CCNL2: variants seen among roughly 807,000 people sequenced by gnomAD.
CCNL2 encodes the protein cyclin L2, also known as cyclin-L2.
In CCNL2, 28 loss-of-function variants were observed where a neutral mutation model predicts 59.1. The observed-to-expected ratio is 0.47, with a 90% confidence interval of 0.35 to 0.65. CCNL2 has a LOEUF of 0.65. Ranked by LOEUF, CCNL2 falls within the 30% of genes least tolerant of loss-of-function variation. The pLI is 0.00. For synonymous variants in CCNL2, 342 were observed against 288.6 expected, an observed-to-expected ratio of 1.19 and a Z score of -1.88; for missense variants, 714 against 717.4, an observed-to-expected ratio of 1.00 and a Z score of 0.05.
intron 3 of CCNL2, among the ~76,000 whole-genome samples, chr1:1,397,835 G>A (rs1423826642): frequency 1.3e-5 from 2 of 152,148 alleles, no homozygotes; most frequent in Non-Finnish European, 2.9e-5. Flanking sequence ...ACCGCACTCT[G>A]CCCTGGACAA....
Position 1,398,609 on chromosome 1 carries a change from C to T in CCNL2, c.351G>A (p.Lys117=). The change falls in exon 2 of 11, where the codon AAG becomes AAA. Residue 117 remains lysine, a synonymous_variant. Coordinates refer to ENST00000400809, the MANE Select transcript of CCNL2 (RefSeq NM_030937.6). ...GAGGAAGCCTTACCTCCATGGAGTG[C>T]TTCACGAAGGACTTGGTATAAAAGA... The part of the protein sequence containing the change: ...QRFFYTKSFV[K]HSMEHVSMAC... 1 of 1,613,956 alleles carries T rather than the reference C, an allele frequency of 6.2e-7. No homozygotes were observed. The highest frequency in any genetic ancestry group is 8.5e-7 in the Non-Finnish European group (1 of 1,179,930).
intron 2 of CCNL2, 36 bp downstream of exon 2, chr1:1,398,561 A>G: frequency 6.2e-7 from 1 of 1,604,570 alleles, no homozygotes; most frequent in Non-Finnish European, 8.5e-7. Flanking sequence ...CCCTCAACAT[A>G]CTTCGCTGGG....
Position 1,390,246 on chromosome 1 carries a change from A to G in CCNL2, c.990T>C (p.Ser330=), listed in dbSNP as rs1273411297. ...CAGACTCACCCAGCTTGGGGGCAGG[A>G]GAGAACCCCGAGGTACCATCCAGCA... ...TQVLDGTSGF[S]PAPKLVESPK... is the part of the protein sequence containing the mutation. Residue 330 remains serine, a synonymous_variant, in exon 8 of 11, where the codon TCT becomes TCC. Transcript: ENST00000400809. The G allele has an allele frequency of 3.1e-5, 50 of 1,610,058 alleles. No homozygotes were observed. Among genetic ancestry groups the G allele is most frequent in the Non-Finnish European group, 4.2e-5 (49 of 1,176,820 alleles).
At chr1:1,391,411 C>A (rs1213635976) in intron 5 of CCNL2, 8 of 1,192,502 alleles carry the variant, frequency 6.7e-6, no homozygotes, top group East Asian at 1.3e-4. Context: ...CTCTGCTGAC[C>A]GAGCTGCAGC....
intron 5 of CCNL2, chr1:1,392,451 G>A (rs775685810): frequency 4.2e-5 from 51 of 1,202,264 alleles, no homozygotes; most frequent in Non-Finnish European, 2.2e-5. Flanking sequence ...CACTGACACA[G>A]CCAATTTGTC....
Position 1,395,567 on chromosome 1 carries a change from C to T in CCNL2, c.474-53G>A, listed in dbSNP as rs762123704. 9 of 1,605,968 alleles carry T rather than the reference C, an allele frequency of 5.6e-6. No homozygotes were observed. In the East Asian group the frequency reaches 1.8e-4, roughly 32 times the overall value. ...ACCACAGTCAAGCAGAGCAAGGCTT[C>T]TGAGATCCCGTCGTTACCTCCAACT... On this transcript the variant is annotated intron_variant, in intron 3 of 10. Coordinates refer to ENST00000400809, the MANE Select transcript of CCNL2 (RefSeq NM_030937.6).
In CCNL2 at chr1:1,399,302, G is replaced by A. The variant is rs994462321; in HGVS notation, c.5C>T (p.Ala2Val). M[A>V]AAAAAAGAAG... Reference sequence around the variant, plus strand: ...AGCACCAGCCGCCGCCGCCGCCGCCGCCATTTTGTGCCGCCGACTCCCCTT... The same window carrying A: ...AGCACCAGCCGCCGCCGCCGCCGCCACCATTTTGTGCCGCCGACTCCCCTT... Residue 2 changes from alanine (A) to valine (V), a missense_variant, in exon 1 of 11, where the codon GCG becomes GTG. Physicochemically the swap from Ala to Val is moderately conservative, Grantham distance 64. Transcript: ENST00000400809. 2.1e-6 allele frequency: 3 copies of A among 1,445,370 alleles called. No homozygotes were observed. The highest frequency in any genetic ancestry group is 2.8e-5 in the East Asian group (1 of 36,004). The allele number at this position is 1,445,370 out of a possible 1,614,324, so 89.5% of individuals were successfully genotyped here. A position where few individuals can be genotyped will look rare whatever the true frequency, so the allele number is the denominator to read the frequency against.
At position 1,399,068 on chromosome 1, in the gene CCNL2, A is replaced by C. The variant is rs768477355; in HGVS notation, c.239T>G (p.Val80Gly). 6.2e-7 allele frequency: 1 copy of C among 1,610,442 alleles called. No homozygotes were observed. Among genetic ancestry groups the C allele is most frequent in the South Asian group, 1.1e-5 (1 of 90,864 alleles). Residue 80 changes from valine to glycine, a missense_variant, in exon 1 of 11, where the codon GTG becomes GGG. Physicochemically the swap from Val to Gly is moderately radical, Grantham distance 109 (BLOSUM62 -3). Around this residue, in one of 5 missense-constraint regions of CCNL2, gnomAD observed 270 missense variants for 254.9 expected, o/e 1.06. Transcript: ENST00000400809. Reference sequence around the variant, plus strand: ...GGCCGCCTGGATGAGCTCGCAGCCCACCACGCGGAGGTCGGTCTCTGTGTC... The same window carrying C: ...GGCCGCCTGGATGAGCTCGCAGCCCCCCACGCGGAGGTCGGTCTCTGTGTC... ...DTDTETDLRVVGCELIQAAGI... is the reference protein window; with the variant it reads ...DTDTETDLRVGGCELIQAAGI...
rs1284675900 is a variant in CCNL2 at position 1,399,285 on chromosome 1, C to T, written c.22G>A (p.Ala8Thr). Residue 8 changes from alanine (A) to threonine (T), a missense_variant, in exon 1 of 11, where the codon GCT becomes ACT. By Grantham distance (58) the Ala-to-Thr change is moderately conservative. Around this residue, in one of 5 missense-constraint regions of CCNL2, gnomAD observed 270 missense variants for 254.9 expected, o/e 1.06. Coordinates refer to ENST00000400809, the MANE Select transcript of CCNL2 (RefSeq NM_030937.6). ...GGAGCTGCCGACCCTGCAGCACCAG[C>T]CGCCGCCGCCGCCGCCGCCATTTTG... MAAAAAA[A>T]GAAGSAAPAA... 2 of 1,427,606 alleles carry T rather than the reference C, an allele frequency of 1.4e-6. No homozygotes were observed. Among genetic ancestry groups the T allele is most frequent in the Middle Eastern group, 4.3e-4 (2 of 4,674 alleles). 88.4% of individuals were successfully genotyped at this position (1,427,606 alleles called of 1,614,324 possible).
chr1:1,398,910 G>T, intron 1 of CCNL2, 109 bp downstream of exon 1: 1 of 1,443,812 alleles, frequency 6.9e-7, no homozygotes, highest in Non-Finnish European at 9.1e-7. Flanking sequence ...CGGGGCAGGG[G>T]CTGGGGTCGG....
At chr1:1,397,966 C>G (rs963163602) in intron 3 of CCNL2, among the ~76,000 whole-genome samples, 1 of 152,160 alleles carries the variant, frequency 6.6e-6, no homozygotes, top group Non-Finnish European at 1.5e-5. Context: ...GCAGCAGGGC[C>G]GTGCACTGAC....
At position 1,390,548 on chromosome 1, in the gene CCNL2, G is replaced by A. The variant is rs779990304; in HGVS notation, c.775C>T (p.Arg259Cys). 8 of 1,612,464 alleles carry A rather than the reference G, an allele frequency of 5.0e-6. No individual in the cohort carries two copies. The highest frequency in any genetic ancestry group is 2.2e-5 in the East Asian group (1 of 44,880). Residue 259 changes from arginine (R) to cysteine (C), a missense_variant, in exon 7 of 11, where the codon CGT becomes TGT. Arg to Cys is a radical substitution (Grantham distance 180). This residue lies in a region of CCNL2 where 403 missense variants were observed against 377.7 expected (regional missense o/e 1.07). Transcript: ENST00000400809. ...CCAAACAAAAGAAACCAATGGGGAC[G>A]ATTGGGCAAAGGGATCTGTAAAAAC... ...ARTLEIPLPN[R>C]PHWFLLFGAT... is the part of the protein sequence containing the mutation.
At chr1:1,392,654 G>A in intron 5 of CCNL2, 8 of 1,495,614 alleles carry the variant, frequency 5.3e-6, no homozygotes, top group South Asian at 1.3e-5. Context: ...AGCAGGAGTC[G>A]GCCATGGCTA....
chr1:1,397,549 C>T (rs1227562778), intron 3 of CCNL2, among the ~76,000 whole-genome samples: 1 of 152,162 alleles, frequency 6.6e-6, no homozygotes, highest in Non-Finnish European at 1.5e-5. Context: ...CTGCAGCACA[C>T]AGGAGAATCC....
At chr1:1,395,148 T>C (rs899091546) in intron 4 of CCNL2, 8 of 443,706 alleles carry the variant, frequency 1.8e-5, no homozygotes, top group South Asian at 5.6e-5. Flanking sequence ...ACCACTATTT[T>C]TGAAAGCCCA....
chr1:1,388,083 G>A lies in CCNL2; in HGVS notation c.1007-18C>T, dbSNP rs376876085. 28 of 1,594,208 alleles carry A rather than the reference G, an allele frequency of 1.8e-5. No homozygotes were observed. The highest frequency in any genetic ancestry group is 2.4e-5 in the Non-Finnish European group (28 of 1,162,574). On this transcript the variant is annotated intron_variant, in intron 8 of 10. Coordinates refer to ENST00000400809, the MANE Select transcript of CCNL2 (RefSeq NM_030937.6). ...GGATTCCACTAGAATCAGAACAAGA[G>A]GTTAAAAGCCAACCACAAAACACTC... is the stretch of plus-strand genomic sequence containing the variant.
At chr1:1,388,565 GTCTC>G (rs70949586) in intron 8 of CCNL2, 5,031 of 364,664 alleles carry the variant, frequency 0.014, 1 homozygote, top group Middle Eastern at 0.018. Context: ...GTGAGTGTGT[GTCTC>G]TCTCTCTCTC....
At chr1:1,392,047 G>T (rs978962294) in intron 5 of CCNL2, 4 of 161,956 alleles carry the variant, frequency 2.5e-5, no homozygotes, top group Admixed American at 1.2e-4. Context: ...TTCTAAATGG[G>T]AAGTCCTACA....
In CCNL2 at chr1:1,386,113, G is replaced by A. The variant is rs931190928; in HGVS notation, c.*1118C>T. On this transcript the variant is annotated 3_prime_UTR_variant, in exon 11 of 11. Transcript: ENST00000400809. ...GGTAAGAGGCAGCTGATGACAGTGG[G>A]GGGCACTCAGAGTGCAGGTGCCACC... 4.6e-5 allele frequency: 7 copies of A among 152,204 alleles called. No homozygotes were observed. The highest frequency in any genetic ancestry group is 1.7e-4 in the African/African-American group (7 of 41,430). The allele number at this position is 152,204 out of a possible 1,614,324, so 9.4% of individuals were successfully genotyped here.
Sources: allele counts gnomAD v4.1 joint callset (sites outside exome capture counted in the v4.1 genomes callset), GRCh38; gene constraint gnomAD v4.1.1; regional missense constraint gnomAD v4.1.1; transcripts MANE v1.5; gene names NCBI Gene and HGNC (gene_info 2026-07-23, HGNC 2026-07-21).